The following CCDC171 variants were observed in gnomAD, a reference collection of about 807,000 sequenced individuals.
CCDC171 encodes the protein coiled-coil domain containing 171.
A neutral mutation model predicts 168.2 loss-of-function variants in CCDC171; 177 were observed. That is an observed-to-expected ratio of 1.05 (90% confidence interval 0.93 to 1.19). The LOEUF is 1.19. Ranked by LOEUF, CCDC171 falls within the 50% of genes most tolerant of loss-of-function variation. The pLI is 0.00. For synonymous variants in CCDC171, 687 were observed against 540.8 expected, an observed-to-expected ratio of 1.27 and a Z score of -3.75; for missense variants, 1,991 against 1,539.0, an observed-to-expected ratio of 1.29 and a Z score of -4.91.
chr9:15,558,839 A>G (rs1056823358), intron 1 of CCDC171, among the ~76,000 whole-genome samples: 2 of 152,098 alleles, frequency 1.3e-5, no homozygotes, highest in African/African-American at 4.8e-5. Flanking sequence ...TATCAATTTT[A>G]GATCTTTCCT....
At chr9:15,734,872 G>A (rs2054387229) in intron 16 of CCDC171, among the ~76,000 whole-genome samples, 1 of 152,184 alleles carries the variant, frequency 6.6e-6, no homozygotes. Flanking sequence ...GTGAGTTATA[G>A]AGGATGTTTG....
chr9:15,699,771 C>T (rs2051546580), intron 11 of CCDC171, among the ~76,000 whole-genome samples: 2 of 152,122 alleles, frequency 1.3e-5, no homozygotes, highest in African/African-American at 4.8e-5. Context: ...CTGAGCTAGA[C>T]ATAAAGGTTC....
At chr9:15,690,078 G>A (rs950269349) in intron 10 of CCDC171, among the ~76,000 whole-genome samples, 1 of 152,144 alleles carries the variant, frequency 6.6e-6, no homozygotes, top group Admixed American at 6.5e-5. Flanking sequence ...AAAACAAAAA[G>A]AAATGAGAAT....
chr9:15,626,060 A>G (rs572853442), intron 7 of CCDC171, among the ~76,000 whole-genome samples: 99 of 151,990 alleles, frequency 6.5e-4, no homozygotes, highest in Non-Finnish European at 1.3e-3. Flanking sequence ...ATTCCTAGGT[A>G]TTTTATTCTC....
intron 6 of CCDC171, among the ~76,000 whole-genome samples, chr9:15,594,420 T>C (rs2042198697): frequency 6.6e-6 from 1 of 152,116 alleles, no homozygotes; most frequent in Non-Finnish European, 1.5e-5. Flanking sequence ...TATATATATT[T>C]GGTATTTTAT....
chr9:15,595,537 C>A (rs1416869050), intron 6 of CCDC171, among the ~76,000 whole-genome samples: 1 of 152,284 alleles, frequency 6.6e-6, no homozygotes, highest in South Asian at 2.1e-4. Context: ...TTTTCTTAAT[C>A]CAGTCTATCA....
At chr9:15,904,295 A>C (rs1822171743) in intron 24 of CCDC171, among the ~76,000 whole-genome samples, 1 of 152,212 alleles carries the variant, frequency 6.6e-6, no homozygotes, top group Non-Finnish European at 1.5e-5. Flanking sequence ...GGTTGCCCAC[A>C]AAGGGAAGCC....
At chr9:15,811,879 G>C (rs1370117503) in intron 21 of CCDC171, among the ~76,000 whole-genome samples, 3 of 152,210 alleles carry the variant, frequency 2.0e-5, no homozygotes, top group African/African-American at 7.2e-5. Flanking sequence ...CTGGCTTAGA[G>C]ATCAAGCAGT....
Position 15,734,433 on chromosome 9 carries a change from G to T in CCDC171, c.2049+4635G>T, listed in dbSNP as rs1363800388. Among the ~76,000 whole-genome samples, 5 of 152,130 alleles carry T rather than the reference G, an allele frequency of 3.3e-5. No individual in the cohort carries two copies. The East Asian group carries it at 5.8e-4, about 18-fold the overall frequency. On this transcript the variant is annotated intron_variant, in intron 16 of 25. Transcript: ENST00000380701. ...CATGCCTGTAATCCCAGCTACTTGG[G>T]AGGCTGAGGCAGGAGAATCACTTGA... is the stretch of plus-strand genomic sequence containing the variant.
At chr9:16,072,861 C>T in the CCDC171 span, among the ~76,000 whole-genome samples, 8 of 152,186 alleles carry the variant, frequency 5.3e-5, no homozygotes, top group Non-Finnish European at 1.2e-4. Context: ...TCTTTCTTAC[C>T]GCTTTCTCTG....
At chr9:16,076,427 T>C in the CCDC171 span, among the ~76,000 whole-genome samples, 149 of 152,326 alleles carry the variant, frequency 9.8e-4, no homozygotes, top group African/African-American at 3.5e-3. Context: ...TTTTTGCTGT[T>C]CTTCCAGGTT....
At chr9:15,698,086 A>G (rs1304326355) in intron 11 of CCDC171, among the ~76,000 whole-genome samples, 1 of 151,684 alleles carries the variant, frequency 6.6e-6, no homozygotes, top group Non-Finnish European at 1.5e-5. Context: ...GTGCTATTGA[A>G]CTCTAGAACT....
chr9:16,091,064 T>A, the CCDC171 span, among the ~76,000 whole-genome samples: 1 of 152,200 alleles, frequency 6.6e-6, no homozygotes, highest in African/African-American at 2.4e-5. Context: ...TAGCCAGTGA[T>A]GGTCACCCCC....
chr9:15,965,371 C>A (rs927069642), intron 25 of CCDC171, among the ~76,000 whole-genome samples: 1 of 152,166 alleles, frequency 6.6e-6, no homozygotes, highest in Non-Finnish European at 1.5e-5. Flanking sequence ...AAGCCTGAGG[C>A]TAGGCTATAT....
chr9:15,706,962 C>T (rs2052291875), intron 11 of CCDC171, among the ~76,000 whole-genome samples: 2 of 152,164 alleles, frequency 1.3e-5, no homozygotes, highest in Admixed American at 6.5e-5. Context: ...TGGATTTTTC[C>T]TCCCCCCTTT....
intron 11 of CCDC171, among the ~76,000 whole-genome samples, chr9:15,698,680 C>G (rs113743078): frequency 6.6e-6 from 1 of 151,906 alleles, no homozygotes; most frequent in Admixed American, 6.6e-5. Context: ...TCTGTATGTG[C>G]GTGTATATGT....
intron 21 of CCDC171, among the ~76,000 whole-genome samples, chr9:15,799,596 G>A (rs757762094): frequency 1.3e-5 from 2 of 151,964 alleles, no homozygotes; most frequent in African/African-American, 2.4e-5. Context: ...CCCTGCAACC[G>A]TTTATCCTTT....
Position 15,569,846 on chromosome 9 carries a change from C to CTAAAAACAAAAACAAA in CCDC171, c.42-1778_42-1777insTAAAAACAAAAACAAA, listed in dbSNP as rs2040070469. Among the ~76,000 whole-genome samples the CTAAAAACAAAAACAAA allele has an allele frequency of 3.6e-5, 5 of 139,814 alleles. No homozygotes were observed. The South Asian group carries it at 1.1e-3, about 31-fold the overall frequency. The allele number at this position is 139,814 out of a possible 152,430, so 91.7% of individuals were successfully genotyped here. A position where few individuals can be genotyped will look rare whatever the true frequency, so the allele number is the denominator to read the frequency against. On this transcript the variant is annotated intron_variant, in intron 2 of 25. Transcript: ENST00000380701. Reference sequence around the variant, plus strand: ...AAACAAAAAACAAAAAACAAACAAACAAAAAAAAAATTTCTATTTTTCATC... The same window carrying CTAAAAACAAAAACAAA: ...AAACAAAAAACAAAAAACAAACAAACTAAAAACAAAAACAAAAAAAAAAAAATTTCTATTTTTCATC...
chr9:15,872,658 A>G (rs1203407426), intron 23 of CCDC171, among the ~76,000 whole-genome samples: 3 of 151,964 alleles, frequency 2.0e-5, no homozygotes, highest in African/African-American at 7.2e-5. Context: ...AATTTAATAA[A>G]TTTTCTTTGA....
Sources: allele counts gnomAD v4.1 joint callset (sites outside exome capture counted in the v4.1 genomes callset), GRCh38; gene constraint gnomAD v4.1.1; transcripts MANE v1.5; gene names NCBI Gene and HGNC (gene_info 2026-07-23, HGNC 2026-07-21).